Variants in GRID2 observed in about 807,000 individuals in gnomAD.
GRID2 encodes glutamate ionotropic receptor delta type subunit 2.
A neutral mutation model predicts 114.8 loss-of-function variants in GRID2; 33 were observed. The ratio of observed to expected loss-of-function variants is 0.29; its 90% CI spans 0.22 to 0.38. The LOEUF (loss-of-function observed/expected upper bound fraction) is 0.38, where lower values mean the gene tolerates loss of function less well. Among genes scored for constraint, GRID2 ranks in the 10% least tolerant of loss-of-function variants. The probability of loss-of-function intolerance (pLI) is 1.00; values close to 1 mark genes in which losing one functional copy is unlikely to be tolerated. For synonymous variants in GRID2, 505 were observed against 449.9 expected, an observed-to-expected ratio of 1.12 and a Z score of -1.55; for missense variants, 1,184 against 1,257.7, an observed-to-expected ratio of 0.94 and a Z score of 0.89.
At chr4:92,829,304 G>A (rs1243960347) in intron 2 of GRID2, among the ~76,000 whole-genome samples, 1 of 151,936 alleles carries the variant, frequency 6.6e-6, no homozygotes, top group Non-Finnish European at 1.5e-5. Context: ...TTTGTCAGAA[G>A]ACATTTATTG....
At chr4:92,551,900 C>G (rs969522916) in intron 1 of GRID2, among the ~76,000 whole-genome samples, 2 of 151,942 alleles carry the variant, frequency 1.3e-5, no homozygotes, top group African/African-American at 4.8e-5. Flanking sequence ...TAAGGTTTCT[C>G]TCTCTCCAGT....
At chr4:92,902,946 T>C (rs1201968957) in intron 2 of GRID2, among the ~76,000 whole-genome samples, 14 of 152,054 alleles carry the variant, frequency 9.2e-5, no homozygotes, top group Non-Finnish European at 1.8e-4. Flanking sequence ...CATGCTATTT[T>C]GGTTACTATA....
intron 3 of GRID2, among the ~76,000 whole-genome samples, chr4:93,091,987 A>T (rs1306078330): frequency 6.6e-6 from 1 of 152,178 alleles, no homozygotes; most frequent in Non-Finnish European, 1.5e-5. Context: ...CATGTTGATC[A>T]TTGCACAGAA....
chr4:93,755,503 T>C (rs1001286156), intron 14 of GRID2, among the ~76,000 whole-genome samples: 6 of 152,178 alleles, frequency 3.9e-5, no homozygotes, highest in African/African-American at 1.4e-4. Context: ...AAAAGATAGC[T>C]AACACTTCTA....
chr4:93,590,067 A>C (rs1738031722), intron 13 of GRID2, among the ~76,000 whole-genome samples: 1 of 150,190 alleles, frequency 6.7e-6, no homozygotes, highest in African/African-American at 2.4e-5. Context: ...ATTAGATCCC[A>C]TTTGTCAGTT....
chr4:92,935,475 G>A lies in GRID2; in HGVS notation c.245-149520G>A, dbSNP rs1325721317. Among the ~76,000 whole-genome samples, 12 of 146,428 alleles carry A rather than the reference G, an allele frequency of 8.2e-5. 1 individual carries two copies. The highest frequency in any genetic ancestry group is 1.7e-4 in the Non-Finnish European group (11 of 66,168). On this transcript the variant is annotated intron_variant, in intron 2 of 15. Coordinates refer to ENST00000282020, the MANE Select transcript of GRID2 (RefSeq NM_001510.4). The stretch of plus-strand genomic sequence containing the variant: ...GTTCAACCATTGTGGAAGTCAGTGT[G>A]GCGCTTCCTCAGGGATCTAGAACTA...
intron 1 of GRID2, among the ~76,000 whole-genome samples, chr4:92,498,134 A>G (rs1723486280): frequency 6.6e-6 from 1 of 151,798 alleles, no homozygotes; most frequent in African/African-American, 2.4e-5. Context: ...TAGGTAAAAA[A>G]TGGAGAGAGG....
chr4:93,423,872 G>A (rs1046947747), intron 10 of GRID2, among the ~76,000 whole-genome samples: 1 of 151,948 alleles, frequency 6.6e-6, no homozygotes, highest in Non-Finnish European at 1.5e-5. Context: ...TGGTTTATAT[G>A]TATACCATTT....
chr4:92,568,960 C>G (rs942231617), intron 1 of GRID2, among the ~76,000 whole-genome samples: 12 of 151,760 alleles, frequency 7.9e-5, no homozygotes, highest in African/African-American at 2.9e-4. Flanking sequence ...CATTTTCTTT[C>G]TTTTTTTAAA....
intron 2 of GRID2, among the ~76,000 whole-genome samples, chr4:92,840,911 A>C (rs1560630023): frequency 6.6e-6 from 1 of 152,000 alleles, no homozygotes; most frequent in Non-Finnish European, 1.5e-5. Context: ...CAGTAACTAA[A>C]TGGGTTAATT....
chr4:92,455,779 G>T (rs1721184339), intron 1 of GRID2, among the ~76,000 whole-genome samples: 2 of 152,130 alleles, frequency 1.3e-5, no homozygotes, highest in South Asian at 2.1e-4. Context: ...ATTTTGTTAT[G>T]CTTGTGGAGG....
chr4:92,727,891 T>A (rs1736138164), intron 2 of GRID2, among the ~76,000 whole-genome samples: 1 of 152,150 alleles, frequency 6.6e-6, no homozygotes, highest in Admixed American at 6.6e-5. Context: ...CAGAGCTATA[T>A]GGTTCTAAGT....
chr4:92,305,951 C>G (rs1725380530), intron 1 of GRID2, among the ~76,000 whole-genome samples: 1 of 152,176 alleles, frequency 6.6e-6, no homozygotes, highest in East Asian at 1.9e-4. Flanking sequence ...GCTTGGTGTT[C>G]TGCAAATTGA....
intron 8 of GRID2, among the ~76,000 whole-genome samples, chr4:93,337,552 T>C (rs1186270907): frequency 1.3e-5 from 2 of 152,144 alleles, no homozygotes; most frequent in Non-Finnish European, 2.9e-5. Context: ...GGAGACACTA[T>C]CTTTATTATA....
chr4:92,345,138 T>C (rs896924793), intron 1 of GRID2, among the ~76,000 whole-genome samples: 1 of 152,206 alleles, frequency 6.6e-6, no homozygotes, highest in Non-Finnish European at 1.5e-5. Context: ...CATGTGATGT[T>C]TGGTTTTCCA....
At chr4:93,061,204 T>G (rs1560838095) in intron 2 of GRID2, among the ~76,000 whole-genome samples, 1 of 150,924 alleles carries the variant, frequency 6.6e-6, no homozygotes, top group Non-Finnish European at 1.5e-5. Flanking sequence ...TTGTTTTTTT[T>G]TTTTTTTTAA....
At chr4:92,351,777 G>A (rs1257581052) in intron 1 of GRID2, among the ~76,000 whole-genome samples, 1 of 151,812 alleles carries the variant, frequency 6.6e-6, no homozygotes, top group African/African-American at 2.4e-5. Context: ...TTCAGTGCCT[G>A]ATATATTTCA....
chr4:93,375,214 C>CTTTTTTT (rs373891256), intron 8 of GRID2, among the ~76,000 whole-genome samples: 1 of 135,320 alleles, frequency 7.4e-6, no homozygotes, highest in South Asian at 2.3e-4. Context: ...CTTTTTTTCC[C>CTTTTTTT]TTTTTTTTTT....
chr4:92,604,692 A>G (rs551270344), intron 2 of GRID2, among the ~76,000 whole-genome samples: 5 of 152,196 alleles, frequency 3.3e-5, no homozygotes, highest in Admixed American at 2.6e-4. Context: ...TTAAAATAAA[A>G]TATTTTTTAA....
Sources: gnomAD v4.1 joint callset for allele counts (sites outside exome capture counted in the v4.1 genomes callset) on GRCh38, gnomAD v4.1.1 for gene constraint, MANE v1.5 for transcripts, NCBI Gene and HGNC (gene_info 2026-07-23, HGNC 2026-07-21) for gene names.